Variants in BBS9 observed in about 807,000 individuals in gnomAD.
BBS9 encodes the protein protein PTHB1.
BBS9 carries 89 observed loss-of-function variants against 117.7 expected under a neutral mutation model. The observed-to-expected ratio is 0.76, with a 90% CI of 0.64 to 0.90. BBS9 has a LOEUF of 0.90. Among genes scored for constraint, BBS9 ranks in the 40% least tolerant of loss-of-function variants. The pLI is 0.00. For missense variants in BBS9, 982 were observed against 1,042.2 expected, an observed-to-expected ratio of 0.94 and a Z score of 0.80; for synonymous variants, 379 against 370.9, an observed-to-expected ratio of 1.02 and a Z score of -0.25.
intron 12 of BBS9, among the ~76,000 whole-genome samples, chr7:33,348,681 A>G (rs1324409947): frequency 1.3e-5 from 2 of 152,162 alleles, no homozygotes; most frequent in African/African-American, 4.8e-5. Context: ...TTCACTGGCA[A>G]TATATGAGGG....
At chr7:33,312,333 CT>C (rs1240716721) in intron 9 of BBS9, among the ~76,000 whole-genome samples, 1 of 152,116 alleles carries the variant, frequency 6.6e-6, no homozygotes, top group Admixed American at 6.5e-5. Flanking sequence ...AATGAATATA[CT>C]TCTGTAACCT....
intron 19 of BBS9, among the ~76,000 whole-genome samples, chr7:33,494,059 GT>G (rs1844389503): frequency 6.6e-6 from 1 of 152,132 alleles, no homozygotes; most frequent in Admixed American, 6.5e-5. Flanking sequence ...TGGCTTGTGG[GT>G]TTTGCTGCTG....
intron 19 of BBS9, among the ~76,000 whole-genome samples, chr7:33,432,205 T>A (rs1834596620): frequency 1.3e-5 from 2 of 151,352 alleles, no homozygotes; most frequent in South Asian, 4.2e-4. Flanking sequence ...GCCTCCCAGG[T>A]TCACGCCGTT....
intron 10 of BBS9, among the ~76,000 whole-genome samples, chr7:33,337,929 T>A (rs749703873): frequency 3.9e-5 from 6 of 152,094 alleles, no homozygotes; most frequent in Non-Finnish European, 8.8e-5. Flanking sequence ...GTTCCAATAA[T>A]ATTTTGATTA....
intron 5 of BBS9, among the ~76,000 whole-genome samples, chr7:33,212,668 T>G (rs1562806234): frequency 6.6e-6 from 1 of 152,220 alleles, no homozygotes. Flanking sequence ...CTTTGCAGTC[T>G]GGGCTTGTTT....
intron 18 of BBS9, among the ~76,000 whole-genome samples, chr7:33,386,200 G>A (rs200358412): frequency 6.6e-6 from 1 of 151,964 alleles, no homozygotes; most frequent in Non-Finnish European, 1.5e-5. Flanking sequence ...CAAAATACAT[G>A]AATACACTTT....
At position 33,448,365 on chromosome 7, in the gene BBS9, T is replaced by A. The variant is rs184052658; in HGVS notation, c.2116-57098T>A. Among the ~76,000 whole-genome samples, 343 of 152,308 alleles carry A rather than the reference T, an allele frequency of 2.3e-3. 2 individuals carry two copies. The highest frequency in any genetic ancestry group is 7.8e-3 in the African/African-American group (326 of 41,578). On this transcript the variant is annotated intron_variant, in intron 19 of 22. Coordinates refer to ENST00000242067, the MANE Select transcript of BBS9 (RefSeq NM_198428.3). ...TGTCTGTGATGTAGTCTGAGTGCATTCCCTTTGCCTTGGCAGTTTTCCACT... is the reference window on the plus strand; with the variant it reads ...TGTCTGTGATGTAGTCTGAGTGCATACCCTTTGCCTTGGCAGTTTTCCACT...
chr7:33,485,058 C>A (rs956051568), intron 19 of BBS9, among the ~76,000 whole-genome samples: 15 of 152,140 alleles, frequency 9.9e-5, no homozygotes, highest in Non-Finnish European at 1.8e-4. Context: ...AAACCAAACA[C>A]CTCATGTTCT....
At chr7:33,517,471 T>A (rs896034430) in intron 20 of BBS9, among the ~76,000 whole-genome samples, 5 of 152,234 alleles carry the variant, frequency 3.3e-5, no homozygotes, top group Non-Finnish European at 5.9e-5. Flanking sequence ...CCAGGTTCCC[T>A]CATCCTTTAT....
At position 33,605,826 on chromosome 7, in the gene BBS9, G is replaced by A. The variant is rs997618245; in HGVS notation, c.*600G>A. ...TTAAGCTAAACGTGGAAGAAGGGAA[G>A]TTTTCTAGTATTGTATGAAAATGTT... On this transcript the variant is annotated 3_prime_UTR_variant, in exon 23 of 23. Coordinates refer to ENST00000242067, the MANE Select transcript of BBS9 (RefSeq NM_198428.3). 2 of 154,540 alleles carry A rather than the reference G, an allele frequency of 1.3e-5. No homozygotes were observed. Among genetic ancestry groups the A allele is most frequent in the African/African-American group, 4.8e-5 (2 of 41,454 alleles). 9.6% of individuals were successfully genotyped at this position (154,540 alleles called of 1,614,324 possible). A position where few individuals can be genotyped will look rare whatever the true frequency, so the allele number is the denominator to read the frequency against.
At chr7:33,579,430 A>G (rs1441079664) in intron 21 of BBS9, among the ~76,000 whole-genome samples, 1 of 152,138 alleles carries the variant, frequency 6.6e-6, no homozygotes, top group African/African-American at 2.4e-5. Context: ...TTCATTTTCT[A>G]AATTGTTAAG....
At position 33,519,111 on chromosome 7, in the gene BBS9, C is replaced by A. The variant is rs141500403; in HGVS notation, c.2298+13466C>A. Among the ~76,000 whole-genome samples the A allele has an allele frequency of 4.6e-3, 706 of 152,110 alleles. 6 individuals carry two copies. Among genetic ancestry groups the A allele is most frequent in the African/African-American group, 0.016 (679 of 41,514 alleles). The stretch of plus-strand genomic sequence containing the variant: ...AGAGAAAAAAAGAAAGAAAAGAAAC[C>A]TGTACTGCTTTTCACTTAAATCAGT... On this transcript the variant is annotated intron_variant, in intron 20 of 22. Coordinates refer to ENST00000242067, the MANE Select transcript of BBS9 (RefSeq NM_198428.3).
At chr7:33,247,704 C>G (rs928687586) in intron 5 of BBS9, among the ~76,000 whole-genome samples, 1 of 152,260 alleles carries the variant, frequency 6.6e-6, no homozygotes, top group African/African-American at 2.4e-5. Context: ...GACTGTGTCT[C>G]TCCTAGCACA....
At chr7:33,527,216 GC>G (rs1323618835) in intron 20 of BBS9, among the ~76,000 whole-genome samples, 4 of 152,188 alleles carry the variant, frequency 2.6e-5, no homozygotes, top group Non-Finnish European at 4.4e-5. Flanking sequence ...TCTGTGCCCT[GC>G]CCCCAGAGGT....
At chr7:33,486,720 T>TA (rs926727928) in intron 19 of BBS9, among the ~76,000 whole-genome samples, 17 of 152,196 alleles carry the variant, frequency 1.1e-4, no homozygotes, top group Non-Finnish European at 1.6e-4. Context: ...GGATAGATGC[T>TA]AAAAAATCCC....
chr7:33,576,003 G>A (rs934185586), intron 21 of BBS9, among the ~76,000 whole-genome samples: 8 of 152,122 alleles, frequency 5.3e-5, no homozygotes, highest in African/African-American at 1.7e-4. Flanking sequence ...CACAAGACAA[G>A]GATATCCTCT....
At chr7:33,344,078 G>GTTTTTTTTT (rs34530007) in intron 11 of BBS9, among the ~76,000 whole-genome samples, 4 of 67,496 alleles carry the variant, frequency 5.9e-5, no homozygotes, top group African/African-American at 2.0e-4. Context: ...TAGGGGATGA[G>GTTTTTTTTT]TTTTTTTTTT....
intron 21 of BBS9, among the ~76,000 whole-genome samples, chr7:33,594,526 A>G (rs1426256815): frequency 6.6e-6 from 1 of 152,104 alleles, no homozygotes; most frequent in African/African-American, 2.4e-5. Flanking sequence ...GAAACCTAAG[A>G]CTATATAGAA....
chr7:33,159,046 T>C (rs1337943668), intron 4 of BBS9, among the ~76,000 whole-genome samples: 1 of 152,124 alleles, frequency 6.6e-6, no homozygotes, highest in Non-Finnish European at 1.5e-5. Flanking sequence ...CTCCTTTGAT[T>C]GGCCAAAACT....
Sources: allele counts gnomAD v4.1 joint callset (sites outside exome capture counted in the v4.1 genomes callset), GRCh38; gene constraint gnomAD v4.1.1; transcripts MANE v1.5; gene names NCBI Gene and HGNC (gene_info 2026-07-23, HGNC 2026-07-21).